PDE1C: variants seen among roughly 807,000 people sequenced by gnomAD.
PDE1C encodes the protein phosphodiesterase 1C.
Under a neutral mutation model 93.1 loss-of-function variants are expected in PDE1C, and 62 were observed. The observed-to-expected ratio is 0.67, with a 90% CI of 0.54 to 0.82. The LOEUF (loss-of-function observed/expected upper bound fraction) is 0.82. PDE1C is among the 40% of genes least tolerant of loss of function. The pLI is 0.00. For synonymous variants in PDE1C, 325 were observed against 310.1 expected (o/e 1.05, Z -0.50); for missense variants, 742 against 884.6 (o/e 0.84, Z 2.04).
At chr7:32,101,635 G>A (rs1798042760) in intron 3 of PDE1C, among the ~76,000 whole-genome samples, 1 of 152,106 alleles carries the variant, frequency 6.6e-6, no homozygotes, top group South Asian at 2.1e-4. Flanking sequence ...CACAATGATT[G>A]GAAGCTTCCT....
chr7:31,732,636 T>TGTGTGTGTGTGTG, the PDE1C span, among the ~76,000 whole-genome samples: 1 of 103,128 alleles, frequency 9.7e-6, no homozygotes, highest in East Asian at 2.6e-4. Context: ...TCTCCTCTCT[T>TGTGTGTGTGTGTG]TCTGTGTGTG....
At chr7:32,093,042 G>A (rs1488366737) in intron 3 of PDE1C, among the ~76,000 whole-genome samples, 1 of 152,146 alleles carries the variant, frequency 6.6e-6, no homozygotes, top group Non-Finnish European at 1.5e-5. Context: ...GGGATTTTCA[G>A]GTTTAAATGC....
chr7:31,660,086 G>A, the PDE1C span, among the ~76,000 whole-genome samples: 10 of 152,212 alleles, frequency 6.6e-5, no homozygotes, highest in East Asian at 1.9e-3. Context: ...GCCATGTGAA[G>A]AAGGACATGT....
At chr7:31,911,013 A>C (rs950208907) in intron 2 of PDE1C, among the ~76,000 whole-genome samples, 6 of 152,210 alleles carry the variant, frequency 3.9e-5, no homozygotes, top group African/African-American at 7.2e-5. Flanking sequence ...ACTAGCAAAA[A>C]TATGTAAGTC....
At chr7:31,758,695 T>C (rs1794632602) in intron 17 of PDE1C, among the ~76,000 whole-genome samples, 1 of 152,160 alleles carries the variant, frequency 6.6e-6, no homozygotes, top group African/African-American at 2.4e-5. Context: ...ATTATAGGTT[T>C]GTTTATTAGA....
At chr7:31,874,966 T>C (rs900649392) in intron 5 of PDE1C, among the ~76,000 whole-genome samples, 2 of 152,236 alleles carry the variant, frequency 1.3e-5, no homozygotes, top group African/African-American at 4.8e-5. Flanking sequence ...TGACCCTTAA[T>C]GATCTCACTG....
the PDE1C span, among the ~76,000 whole-genome samples, chr7:31,686,270 A>G: frequency 6.6e-6 from 1 of 152,036 alleles, no homozygotes; most frequent in African/African-American, 2.4e-5. Flanking sequence ...TGGAGTCAAA[A>G]CTGCTGCTCC....
At chr7:31,960,820 C>T (rs1256051372) in intron 2 of PDE1C, among the ~76,000 whole-genome samples, 1 of 152,080 alleles carries the variant, frequency 6.6e-6, no homozygotes, top group African/African-American at 2.4e-5. Flanking sequence ...ACATAATTTT[C>T]CAAAATCTAA....
chr7:32,102,748 G>A (rs1195761103), intron 3 of PDE1C, among the ~76,000 whole-genome samples: 1 of 152,228 alleles, frequency 6.6e-6, no homozygotes. Flanking sequence ...TCCTGGTGTT[G>A]TCTCCTGGAG....
At chr7:32,256,303 C>T (rs1176849526) in intron 1 of PDE1C, among the ~76,000 whole-genome samples, 1 of 152,186 alleles carries the variant, frequency 6.6e-6, no homozygotes, top group Non-Finnish European at 1.5e-5. Flanking sequence ...TTAGCATAAA[C>T]ATCCTGTTTG....
At chr7:32,078,518 C>T (rs765363996) in intron 3 of PDE1C, among the ~76,000 whole-genome samples, 2 of 152,208 alleles carry the variant, frequency 1.3e-5, no homozygotes, top group South Asian at 4.1e-4. Context: ...GAAAGGTCCA[C>T]AGCAGCCTAG....
intron 2 of PDE1C, among the ~76,000 whole-genome samples, chr7:31,951,405 C>A (rs1807361796): frequency 1.3e-5 from 2 of 152,198 alleles, no homozygotes; most frequent in South Asian, 2.1e-4. Flanking sequence ...CAGCCACTGG[C>A]TCCTGGCTTC....
rs1168510929 is a variant in PDE1C, at chr7:31,831,601, C to T, written c.1204-3228G>A. Among the ~76,000 whole-genome samples, 15 of 152,104 alleles carry T rather than the reference C, an allele frequency of 9.9e-5. 1 individual carries two copies. In the South Asian group the frequency reaches 2.7e-3, roughly 27 times the overall value. On this transcript the variant is annotated intron_variant, in intron 11 of 17. Coordinates refer to ENST00000396191, the MANE Select transcript of PDE1C (RefSeq NM_001191057.4). ...GCTTAGAATACTACTGCTCTGATTG[C>T]CCTGTGGTACAAATCTGCAAATAGT...
At chr7:32,017,076 T>C (rs1788010748) in intron 2 of PDE1C, among the ~76,000 whole-genome samples, 2 of 152,182 alleles carry the variant, frequency 1.3e-5, no homozygotes, top group Admixed American at 6.6e-5. Context: ...TTACTGGGAA[T>C]GCTAAATGGA....
intron 2 of PDE1C, among the ~76,000 whole-genome samples, chr7:32,205,489 A>G (rs1340164882): frequency 1.3e-5 from 2 of 152,074 alleles, no homozygotes; most frequent in South Asian, 4.1e-4. Flanking sequence ...ACCAATCAGC[A>G]CTCTGTAAAA....
chr7:32,284,819 G>A (rs941959257), intron 1 of PDE1C, among the ~76,000 whole-genome samples: 21 of 152,204 alleles, frequency 1.4e-4, no homozygotes, highest in African/African-American at 4.6e-4. Context: ...GATCACCTGA[G>A]GTCAAGAGTT....
chr7:32,110,801 T>C (rs927274433), intron 3 of PDE1C, among the ~76,000 whole-genome samples: 1 of 152,208 alleles, frequency 6.6e-6, no homozygotes, highest in African/African-American at 2.4e-5. Context: ...CAACTACACA[T>C]TGGTGACCAG....
At chr7:32,234,184 T>C (rs1158597195) in intron 1 of PDE1C, among the ~76,000 whole-genome samples, 6 of 151,966 alleles carry the variant, frequency 3.9e-5, no homozygotes, top group South Asian at 4.1e-4. Flanking sequence ...TCAAATATTT[T>C]ATTAGGAAAA....
intron 2 of PDE1C, among the ~76,000 whole-genome samples, chr7:32,185,687 T>C (rs1314846891): frequency 6.6e-6 from 1 of 152,224 alleles, no homozygotes; most frequent in Non-Finnish European, 1.5e-5. Context: ...AGTATTTATT[T>C]GCTTATTTTC....
Sources: gnomAD v4.1 joint callset for allele counts (sites outside exome capture counted in the v4.1 genomes callset) on GRCh38, gnomAD v4.1.1 for gene constraint, MANE v1.5 for transcripts, NCBI Gene and HGNC (gene_info 2026-07-23, HGNC 2026-07-21) for gene names.